Variants in FRMPD4 observed in about 807,000 individuals in gnomAD.
The protein encoded by FRMPD4 is FERM and PDZ domain containing 4.
A neutral mutation model predicts 94.1 loss-of-function variants in FRMPD4; 22 were observed. That is an observed-to-expected ratio of 0.23 (90% CI 0.17 to 0.33). The LOEUF (loss-of-function observed/expected upper bound fraction) is 0.33, where lower values mean the gene tolerates loss of function less well. FRMPD4 is among the 10% of genes least tolerant of loss of function. The probability of loss-of-function intolerance (pLI) is 1.00; values close to 1 mark genes in which losing one functional copy is unlikely to be tolerated. For synonymous variants in FRMPD4, 631 were observed against 548.6 expected (o/e 1.15, Z -2.10); for missense variants, 1,111 against 1,339.9 (o/e 0.83, Z 2.67).
intron 1 of FRMPD4, among the ~76,000 whole-genome samples, chrX:12,407,007 A>G (rs1054640973): frequency 1.8e-5 from 2 of 110,667 alleles, no homozygotes; most frequent in African/African-American, 6.6e-5. Flanking sequence ...GAGGCTACCA[A>G]TGTTCTTTGC....
chrX:12,552,904 C>G, intron 2 of FRMPD4, among the ~76,000 whole-genome samples: 1 of 112,172 alleles, frequency 8.9e-6, no homozygotes. Context: ...GCCTGTAATC[C>G]TAGCACTTTG....
At chrX:12,704,953 G>C (rs1261139568) in intron 11 of FRMPD4, among the ~76,000 whole-genome samples, 1 of 111,914 alleles carries the variant, frequency 8.9e-6, no homozygotes, top group African/African-American at 3.3e-5. Context: ...TTCTTTGTTA[G>C]GGAGTTACGG....
Position 12,103,037 on chromosome X carries a change from A to T in FRMPD4, c.95+225019A>T, listed in dbSNP as rs1288639011. Among the ~76,000 whole-genome samples, 4 of 111,619 alleles carry T rather than the reference A, an allele frequency of 3.6e-5. 1 individual carries two copies. Among genetic ancestry groups the T allele is most frequent in the Admixed American group, 1.9e-4 (2 of 10,484 alleles). On this transcript the variant is annotated intron_variant, in intron 3 of 18. Transcript: ENST00000640291. ...ACGTGAGAATGGGCTTACAGCATCCAGCAAAGTATTTTTCCCCAGTTATTT... is the reference window on the plus strand; with the variant it reads ...ACGTGAGAATGGGCTTACAGCATCCTGCAAAGTATTTTTCCCCAGTTATTT...
chrX:12,683,677 A>G (rs1169849736), intron 6 of FRMPD4, 90 bp downstream of exon 6: 1 of 479,751 alleles, frequency 2.1e-6, no homozygotes, highest in African/African-American at 2.4e-5. Context: ...TCCCACTGGA[A>G]TGACTGATCT....
intron 4 of FRMPD4, among the ~76,000 whole-genome samples, chrX:12,639,572 TA>T (rs2059474713): frequency 8.9e-6 from 1 of 112,338 alleles, no homozygotes; most frequent in Admixed American, 9.4e-5. Context: ...TTGAAAATTT[TA>T]TACTTATGGA....
chrX:12,535,813 G>T (rs1486001333), intron 2 of FRMPD4, among the ~76,000 whole-genome samples: 1 of 111,378 alleles, frequency 9.0e-6, no homozygotes, highest in South Asian at 3.7e-4. Flanking sequence ...AGCCCACAAA[G>T]CCCAAAGTAT....
chrX:12,645,347 C>CTTTTTTTTTTT lies in FRMPD4; in HGVS notation c.423-29501_423-29491dup, dbSNP rs138817056. Among the ~76,000 whole-genome samples, 23 of 55,642 alleles carry CTTTTTTTTTTT rather than the reference C, an allele frequency of 4.1e-4. 1 individual carries two copies. The highest frequency in any genetic ancestry group is 1.9e-3 in the African/African-American group (22 of 11,595). 48.3% of individuals were successfully genotyped at this position (55,642 alleles called of 115,157 possible). A position where few individuals can be genotyped will look rare whatever the true frequency, so the allele number is the denominator to read the frequency against. On this transcript the variant is annotated intron_variant, in intron 4 of 16. Transcript: ENST00000675598. ...TCAGGTAGTTTTTAACACTCTCACT[C>CTTTTTTTTTTT]TTTTTTTTTTTTTTTTTTTTTTTTT...
chrX:12,386,562 G>A (rs772364000), intron 1 of FRMPD4, among the ~76,000 whole-genome samples: 184 of 111,786 alleles, frequency 1.6e-3, no homozygotes, highest in African/African-American at 5.7e-3. Context: ...GTTTGCTTCC[G>A]GGAAATAAAA....
chrX:12,568,733 A>G (rs905920339), intron 2 of FRMPD4, among the ~76,000 whole-genome samples: 15 of 112,153 alleles, frequency 1.3e-4, no homozygotes, highest in African/African-American at 4.5e-4. Context: ...TTCCATAATT[A>G]TAGAAAGCTG....
chrX:12,616,724 T>C (rs1046940028), intron 4 of FRMPD4, among the ~76,000 whole-genome samples: 1 of 112,305 alleles, frequency 8.9e-6, no homozygotes. Flanking sequence ...TCTCTTGAGA[T>C]GTGTGTGGGT....
chrX:12,102,315 C>T (rs773401932), intron 3 of FRMPD4, among the ~76,000 whole-genome samples: 5 of 111,521 alleles, frequency 4.5e-5, no homozygotes, highest in Non-Finnish European at 7.5e-5. Flanking sequence ...TAAGACATAC[C>T]AGAATACAAT....
chrX:12,502,606 A>G (rs1244576760), intron 2 of FRMPD4, among the ~76,000 whole-genome samples: 1 of 112,202 alleles, frequency 8.9e-6, no homozygotes, highest in Non-Finnish European at 1.9e-5. Context: ...ATGTAGGTAT[A>G]GATGGAGAGG....
At chrX:12,693,203 C>A (rs1382008666) in intron 8 of FRMPD4, among the ~76,000 whole-genome samples, 1 of 112,126 alleles carries the variant, frequency 8.9e-6, no homozygotes, top group Non-Finnish European at 1.9e-5. Context: ...ATTGCCAGAT[C>A]TGTCCCCTGC....
At chrX:11,958,379 A>G (rs1200593996) in intron 3 of FRMPD4, among the ~76,000 whole-genome samples, 1 of 112,347 alleles carries the variant, frequency 8.9e-6, no homozygotes. Flanking sequence ...TTCTAGAATC[A>G]GTTCTGATGA....
chrX:12,635,907 A>G (rs962282828), intron 4 of FRMPD4, among the ~76,000 whole-genome samples: 2 of 111,434 alleles, frequency 1.8e-5, no homozygotes, highest in Non-Finnish European at 3.8e-5. Context: ...GTAGTCATCA[A>G]CTCATGACCA....
chrX:11,929,937 G>A (rs191405397), intron 3 of FRMPD4, among the ~76,000 whole-genome samples: 3 of 107,572 alleles, frequency 2.8e-5, no homozygotes, highest in Non-Finnish European at 3.8e-5. Context: ...GTGAAACCCC[G>A]TCTCTACTAA....
intron 1 of FRMPD4, among the ~76,000 whole-genome samples, chrX:12,469,532 T>A (rs905332419): frequency 4.5e-5 from 5 of 112,036 alleles, no homozygotes; most frequent in African/African-American, 1.6e-4. Flanking sequence ...ATTACAGGCA[T>A]GAGTCACCGT....
intron 3 of FRMPD4, among the ~76,000 whole-genome samples, chrX:12,131,542 A>T (rs928699800): frequency 1.8e-5 from 2 of 112,323 alleles, no homozygotes; most frequent in Non-Finnish European, 1.9e-5. Context: ...TGGGAATGGT[A>T]CCAAGAAATC....
intron 1 of FRMPD4, among the ~76,000 whole-genome samples, chrX:12,392,104 G>A (rs1397840614): frequency 9.2e-6 from 1 of 109,208 alleles, no homozygotes; most frequent in African/African-American, 3.3e-5. Flanking sequence ...TGCAATCTTG[G>A]CTCACTGCAA....
Sources: allele counts gnomAD v4.1 joint callset (sites outside exome capture counted in the v4.1 genomes callset), GRCh38; gene constraint gnomAD v4.1.1; transcripts MANE v1.5; gene names NCBI Gene and HGNC (gene_info 2026-07-23, HGNC 2026-07-21).